The following ZC3H12C variants were observed in gnomAD, a reference collection of about 807,000 sequenced individuals.
ZC3H12C encodes probable ribonuclease ZC3H12C.
In ZC3H12C, 20 loss-of-function variants were observed where a neutral mutation model predicts 76.3. The observed-to-expected ratio is 0.26, with a 90% CI of 0.18 to 0.38. The LOEUF is 0.38. Among genes scored for constraint, ZC3H12C ranks in the 10% least tolerant of loss-of-function variants. ZC3H12C has a pLI of 1.00. For missense variants in ZC3H12C, 874 were observed against 1,086.5 expected, an observed-to-expected ratio of 0.80 and a Z score of 2.75; for synonymous variants, 352 against 399.6, an observed-to-expected ratio of 0.88 and a Z score of 1.42.
chr11:110,162,792 G>A (rs1322101837), intron 4 of ZC3H12C, among the ~76,000 whole-genome samples: 1 of 152,178 alleles, frequency 6.6e-6, no homozygotes, highest in Non-Finnish European at 1.5e-5. Context: ...ATCATGGTTA[G>A]GATGCCATGG....
intron 1 of ZC3H12C, among the ~76,000 whole-genome samples, chr11:110,105,969 A>G (rs1210002100): frequency 6.6e-6 from 1 of 152,160 alleles, no homozygotes; most frequent in African/African-American, 2.4e-5. Flanking sequence ...GCAAACTGCC[A>G]TCTAGAAAAG....
At chr11:110,148,367 A>C (rs928720252) in intron 2 of ZC3H12C, among the ~76,000 whole-genome samples, 1 of 152,194 alleles carries the variant, frequency 6.6e-6, no homozygotes, top group East Asian at 1.9e-4. Flanking sequence ...AGACCTACTG[A>C]CAATATTCTA....
At chr11:110,116,063 T>C (rs2134157823) in intron 1 of ZC3H12C, among the ~76,000 whole-genome samples, 1 of 152,230 alleles carries the variant, frequency 6.6e-6, no homozygotes, top group South Asian at 2.1e-4. Flanking sequence ...CCCGGCCTGT[T>C]TTCTCATTTT....
chr11:110,123,199 C>G (rs78964479), intron 1 of ZC3H12C, among the ~76,000 whole-genome samples: 1,736 of 152,300 alleles, frequency 0.011, 31 homozygotes, highest in African/African-American at 0.039. Context: ...GTTTTCTCTT[C>G]CCATACACTA....
intron 1 of ZC3H12C, among the ~76,000 whole-genome samples, chr11:110,117,786 C>T (rs28671587): frequency 7.5e-6 from 1 of 132,588 alleles, no homozygotes; most frequent in Non-Finnish European, 1.6e-5. Context: ...TACACACACA[C>T]ATATATATAT....
At chr11:110,139,991 A>G (rs1364184072) in intron 2 of ZC3H12C, among the ~76,000 whole-genome samples, 1 of 151,042 alleles carries the variant, frequency 6.6e-6, no homozygotes, top group East Asian at 2.0e-4. Context: ...TTAGGTTCAG[A>G]TGACTTGTCG....
intron 1 of ZC3H12C, among the ~76,000 whole-genome samples, chr11:110,129,151 C>G (rs1861814216): frequency 6.6e-6 from 1 of 152,016 alleles, no homozygotes; most frequent in Non-Finnish European, 1.5e-5. Flanking sequence ...CATTCAGAAC[C>G]TAGTAATTAT....
rs978589218 is a variant in ZC3H12C at position 110,111,866 on chromosome 11, A to G, written c.21+18434A>G. ...CCCCCAGTAGCTTTTTGATTACCAA[A>G]TCCAATGGAGTAAAAGTTTTTTCCA... On this transcript the variant is annotated intron_variant, in intron 1 of 5. Coordinates refer to ENST00000278590, the MANE Select transcript of ZC3H12C (RefSeq NM_033390.2). Among the ~76,000 whole-genome samples the G allele has an allele frequency of 5.9e-5, 9 of 152,008 alleles. No individual in the cohort carries two copies. The South Asian group carries it at 1.9e-3, about 32-fold the overall frequency.
chr11:110,125,060 G>T (rs545216658), intron 1 of ZC3H12C, among the ~76,000 whole-genome samples: 1 of 152,176 alleles, frequency 6.6e-6, no homozygotes, highest in South Asian at 2.1e-4. Context: ...AATAGACAAA[G>T]GTGTCTATGA....
intron 1 of ZC3H12C, among the ~76,000 whole-genome samples, chr11:110,102,184 C>T (rs1383325042): frequency 1.3e-5 from 2 of 149,756 alleles, no homozygotes; most frequent in African/African-American, 2.5e-5. Context: ...TTACAGCTGC[C>T]GTAGATAGTG....
At position 110,110,544 on chromosome 11, in the gene ZC3H12C, A is replaced by G. The variant is rs1353339534; in HGVS notation, c.21+17112A>G. Among the ~76,000 whole-genome samples the G allele has an allele frequency of 2.0e-5, 3 of 152,332 alleles. No individual in the cohort carries two copies. The East Asian group carries it at 5.8e-4, about 29-fold the overall frequency. ...CCTGTCCTGCTTATGGATGGAATGA[A>G]TAAACTGCCATAGGAATAGTAGAAT... On this transcript the variant is annotated intron_variant, in intron 1 of 5. Transcript: ENST00000278590.
rs1205018064 is a variant in ZC3H12C at position 110,169,343 on chromosome 11, T to G, written c.*3606T>G. 1 of 30,628 alleles carries G rather than the reference T, an allele frequency of 3.3e-5. No homozygotes were observed. Among genetic ancestry groups the G allele is most frequent in the African/African-American group, 1.4e-4 (1 of 7,090 alleles). 1.9% of individuals were successfully genotyped at this position (30,628 alleles called of 1,614,324 possible). ...ACAGGTGGGAGGATGGCTCTGGGTG[T>G]GTGTGTGTGTGTGTGTGTGTGTGTG... On this transcript the variant is annotated 3_prime_UTR_variant, in exon 6 of 6. Transcript: ENST00000278590.
Position 110,165,493 on chromosome 11 carries a change from G to A in ZC3H12C, c.2408G>A (p.Cys803Tyr). 1 of 1,614,016 alleles carries A rather than the reference G, an allele frequency of 6.2e-7. No individual in the cohort carries two copies. The highest frequency in any genetic ancestry group is 8.5e-7 in the Non-Finnish European group (1 of 1,179,896). The change falls in exon 6 of 6, where the codon TGT becomes TAT. Residue 803 changes from cysteine to tyrosine, a missense_variant. Cys to Tyr is a radical substitution (Grantham distance 194). Transcript: ENST00000278590. ...YSLPDNSTQP[C>Y]YEQFTFQSLP... ...TTGCCCGATAACTCCACACAGCCGT[G>A]TTATGAGCAGTTCACCTTCCAGAGC...
At chr11:110,123,430 T>G (rs1422684749) in intron 1 of ZC3H12C, among the ~76,000 whole-genome samples, 1 of 152,238 alleles carries the variant, frequency 6.6e-6, no homozygotes, top group African/African-American at 2.4e-5. Flanking sequence ...ATATTTTCAT[T>G]TAAAATGAAT....
At chr11:110,130,162 A>G (rs1037144633) in intron 1 of ZC3H12C, among the ~76,000 whole-genome samples, 7 of 152,206 alleles carry the variant, frequency 4.6e-5, no homozygotes, top group Non-Finnish European at 1.0e-4. Context: ...ATAGTAAAAA[A>G]AATTTTACAC....
intron 1 of ZC3H12C, among the ~76,000 whole-genome samples, chr11:110,100,546 C>T (rs1341045007): frequency 1.3e-5 from 2 of 152,180 alleles, no homozygotes; most frequent in Non-Finnish European, 2.9e-5. Flanking sequence ...ATAGCATTTG[C>T]TCCCTTTGTG....
chr11:110,160,179 C>G (rs1862454505), intron 4 of ZC3H12C, among the ~76,000 whole-genome samples: 1 of 152,120 alleles, frequency 6.6e-6, no homozygotes, highest in Non-Finnish European at 1.5e-5. Context: ...GGGCACTTAC[C>G]ATGAATGGGG....
At chr11:110,149,256 G>C (rs888195000) in intron 2 of ZC3H12C, among the ~76,000 whole-genome samples, 4 of 152,130 alleles carry the variant, frequency 2.6e-5, no homozygotes, top group Non-Finnish European at 4.4e-5. Context: ...GTAACTCGGG[G>C]ACCCACCCTG....
At chr11:110,100,054 C>T (rs902446885) in intron 1 of ZC3H12C, among the ~76,000 whole-genome samples, 3 of 152,036 alleles carry the variant, frequency 2.0e-5, no homozygotes, top group Non-Finnish European at 4.4e-5. Context: ...AATGATAGTA[C>T]ACCATACTGT....
Sources: allele counts gnomAD v4.1 joint callset (sites outside exome capture counted in the v4.1 genomes callset), GRCh38; gene constraint gnomAD v4.1.1; transcripts MANE v1.5; gene names NCBI Gene and HGNC (gene_info 2026-07-23, HGNC 2026-07-21).